ITGAM: variants seen among roughly 807,000 people sequenced by gnomAD.
The protein encoded by ITGAM is integrin subunit alpha M.
A neutral mutation model predicts 137.5 loss-of-function variants in ITGAM; 79 were observed. The observed-to-expected ratio is 0.57, with a 90% CI of 0.48 to 0.69. The LOEUF is 0.69. Ranked by LOEUF, ITGAM falls within the 30% of genes least tolerant of loss-of-function variation. The pLI, the probability that ITGAM is intolerant of heterozygous loss-of-function variation, is 0.00. For missense variants in ITGAM, 1,343 were observed against 1,483.5 expected (o/e 0.91, Z 1.56); for synonymous variants, 583 against 592.3 (o/e 0.98, Z 0.23).
Position 31,275,557 on chromosome 16 carries a change from T to C in ITGAM, c.867T>C (p.Asp289=). The C allele has an allele frequency of 6.2e-7, 1 of 1,613,976 alleles. No homozygotes were observed. Among genetic ancestry groups the C allele is most frequent in the Non-Finnish European group, 8.5e-7 (1 of 1,179,868 alleles). ...CTGTTCCTTGGTAACAGGTGGGAGA[T>C]GCCTTCCGCAGTGAGAAATCCCGCC... ...GVIRYVIGVG[D]AFRSEKSRQE... The change falls in exon 9 of 30, where the codon GAT becomes GAC. Residue 289 remains aspartate (D), a synonymous_variant. Coordinates refer to ENST00000544665, the MANE Select transcript of ITGAM (RefSeq NM_000632.4).
At chr16:31,288,840 A>C (rs1278529267) in intron 12 of ITGAM, among the ~76,000 whole-genome samples, 1 of 152,182 alleles carries the variant, frequency 6.6e-6, no homozygotes, top group Non-Finnish European at 1.5e-5. Flanking sequence ...AATGGGAGAA[A>C]ATTTTTGCAA....
In ITGAM at chr16:31,270,737, ATATAT is replaced by A. The variant is rs1161840503; in HGVS notation, c.428-216_428-212del. On this transcript the variant is annotated intron_variant, in intron 5 of 29. Coordinates refer to ENST00000544665, the MANE Select transcript of ITGAM (RefSeq NM_000632.4). ...TATATATATATATATATATATATAT[ATATAT>A]ATGTTTTTAACGTGTGTATACATAT... 1.6e-3 allele frequency among the ~76,000 whole-genome samples: 175 copies of A among 112,030 alleles called. 4 individuals are homozygous for A. The highest frequency in any genetic ancestry group is 6.7e-3 in the African/African-American group (170 of 25,500). The allele number at this position is 112,030 out of a possible 152,430, so 73.5% of individuals were successfully genotyped here.
intron 2 of ITGAM, among the ~76,000 whole-genome samples, chr16:31,264,749 C>T (rs188484580): frequency 2.2e-3 from 334 of 152,264 alleles, no homozygotes; most frequent in African/African-American, 7.5e-3. Flanking sequence ...CTATGTTACC[C>T]GGGCTAGTTT....
At chr16:31,321,217 T>C in intron 14 of ITGAM, 24 bp from the exon 15 acceptor site, 3 of 1,613,360 alleles carry the variant, frequency 1.9e-6, no homozygotes, top group Non-Finnish European at 2.5e-6. Context: ...CCTTTCTCTC[T>C]CCACACCTCT....
intron 14 of ITGAM, among the ~76,000 whole-genome samples, chr16:31,315,112 C>T (rs1037394393): frequency 3.3e-5 from 5 of 151,948 alleles, no homozygotes; most frequent in Admixed American, 1.3e-4. Flanking sequence ...CGAACCCGGC[C>T]CTCTTTGCCC....
In ITGAM at chr16:31,308,454, C is replaced by G. The variant is rs554560770; in HGVS notation, c.1707+10500C>G. Among the ~76,000 whole-genome samples the G allele has an allele frequency of 4.0e-4, 61 of 151,968 alleles. No homozygotes were observed. The South Asian group carries it at 0.012, about 30-fold the overall frequency. On this transcript the variant is annotated intron_variant, in intron 14 of 29. Coordinates refer to ENST00000544665, the MANE Select transcript of ITGAM (RefSeq NM_000632.4). ...ATTTGCGTAGAGGTGTTTGTAGTAT[C>G]CTCTGATGGTAGTTTGTATTTCTGT...
Position 31,331,250 on chromosome 16 carries a change from C to A in ITGAM, c.3362C>A (p.Ala1121Asp), listed in dbSNP as rs1001138755. 1.2e-6 allele frequency: 2 copies of A among 1,611,404 alleles called. No individual in the cohort carries two copies. Among genetic ancestry groups the A allele is most frequent in the Non-Finnish European group, 1.7e-6 (2 of 1,178,392 alleles). Residue 1121 changes from alanine (A) to aspartate (D), a missense_variant, in exon 29 of 30, where the codon GCC (alanine) becomes GAC (aspartate). Physicochemically the swap from Ala to Asp is moderately radical, Grantham distance 126 (BLOSUM62 -2). Coordinates refer to ENST00000544665, the MANE Select transcript of ITGAM (RefSeq NM_000632.4). ...TCTGTCGGGGGACTGCTGCTCCTGGCCCTCATCACCGCCGCGCTGTACAAG... is the reference window on the plus strand; with the variant it reads ...TCTGTCGGGGGACTGCTGCTCCTGGACCTCATCACCGCCGCGCTGTACAAG... ...GSSVGGLLLL[A>D]LITAALYKLG...
intron 23 of ITGAM, among the ~76,000 whole-genome samples, chr16:31,328,792 ATG>A (rs56016186): frequency 0.71 from 101,258 of 143,134 alleles, 35,779 homozygotes; most frequent in Middle Eastern, 0.87. Context: ...GTATTTGTGC[ATG>A]TGTGTGTGTG....
intron 14 of ITGAM, among the ~76,000 whole-genome samples, chr16:31,303,868 G>A (rs1050452405): frequency 2.0e-5 from 3 of 151,956 alleles, no homozygotes; most frequent in African/African-American, 7.2e-5. Context: ...ATTGGTCGAC[G>A]GGTACCACAG....
chr16:31,328,617 GTGTC>G (rs1433777552), intron 23 of ITGAM, among the ~76,000 whole-genome samples: 4 of 150,920 alleles, frequency 2.7e-5, no homozygotes, highest in Non-Finnish European at 4.4e-5. Flanking sequence ...ATGTGCATGT[GTGTC>G]TGGGCATGGG....
intron 14 of ITGAM, among the ~76,000 whole-genome samples, chr16:31,302,475 CTTTCTTTCTT>C (rs2080215159): frequency 4.7e-5 from 4 of 85,834 alleles, no homozygotes; most frequent in African/African-American, 3.0e-4. Context: ...TTCTTTCTTT[CTTTCTTTCTT>C]TTTTCTTTCC....
chr16:31,261,198 C>CA (rs2079695113), intron 1 of ITGAM, among the ~76,000 whole-genome samples: 4 of 123,236 alleles, frequency 3.2e-5, no homozygotes, highest in Non-Finnish European at 7.0e-5. Flanking sequence ...ATGCTGCTAT[C>CA]TTTTTTTTTT....
intron 14 of ITGAM, among the ~76,000 whole-genome samples, chr16:31,320,020 G>A (rs1315028315): frequency 6.6e-6 from 1 of 152,060 alleles, no homozygotes; most frequent in Non-Finnish European, 1.5e-5. Context: ...CACCACGTTA[G>A]CCAGGATGGT....
chr16:31,274,929 A>T (rs1442195233), intron 8 of ITGAM, among the ~76,000 whole-genome samples: 1 of 152,130 alleles, frequency 6.6e-6, no homozygotes, highest in Non-Finnish European at 1.5e-5. Context: ...TATTTAAAAA[A>T]TTTGTTTAAA....
In ITGAM at chr16:31,273,351, T is replaced by C. The variant is rs760602626; in HGVS notation, c.705-14T>C. The C allele has an allele frequency of 1.2e-6, 2 of 1,605,172 alleles. No homozygotes were observed. Among genetic ancestry groups the C allele is most frequent in the South Asian group, 2.2e-5 (2 of 89,600 alleles). On this transcript the variant is annotated splice_polypyrimidine_tract_variant and intron_variant, in intron 7 of 29. Coordinates refer to ENST00000544665, the MANE Select transcript of ITGAM (RefSeq NM_000632.4). The stretch of plus-strand genomic sequence containing the variant: ...TACTTGCATTTGACTTTGTCCCTCC[T>C]GTTTCCTGCACAGACGAGAGCTGTT...
chr16:31,319,239 G>GC (rs2080423071), intron 14 of ITGAM, among the ~76,000 whole-genome samples: 1 of 147,458 alleles, frequency 6.8e-6, no homozygotes, highest in African/African-American at 2.5e-5. Context: ...TCTCCCTTGG[G>GC]TTTTTTTTTT....
chr16:31,303,811 A>G (rs960378211), intron 14 of ITGAM, among the ~76,000 whole-genome samples: 4 of 152,168 alleles, frequency 2.6e-5, no homozygotes, highest in South Asian at 2.1e-4. Flanking sequence ...CTGTGTATAT[A>G]TACACATATA....
intron 12 of ITGAM, among the ~76,000 whole-genome samples, chr16:31,295,080 A>G (rs925219606): frequency 9.9e-5 from 15 of 151,960 alleles, no homozygotes; most frequent in Admixed American, 4.6e-4. Context: ...CCATTGGTTG[A>G]TGTGTCTGTT....
chr16:31,324,390 TC>T lies in ITGAM; in HGVS notation c.2003-6del, dbSNP rs759581804. The T allele has an allele frequency of 6.4e-7, 1 of 1,551,420 alleles. No individual in the cohort carries two copies. The highest frequency in any genetic ancestry group is 1.2e-5 in the South Asian group (1 of 84,050). ...GGCCCCTCACTGCTGTGCCACCCTG[TC>T]CCTTCAGGACAGATCCAGAGTGTTG... On this transcript the variant is annotated splice_polypyrimidine_tract_variant and splice_region_variant and intron_variant, in intron 16 of 29. Transcript: ENST00000544665. This position sits in a 1 kb window ranked among gnomAD's most constrained non-coding sequence, Gnocchi z 4.5.
Sources: gnomAD v4.1 joint callset for allele counts (sites outside exome capture counted in the v4.1 genomes callset) on GRCh38, gnomAD v4.1.1 for gene constraint, Gnocchi (gnomAD v3.1) non-coding constraint, MANE v1.5 for transcripts, NCBI Gene and HGNC (gene_info 2026-07-23, HGNC 2026-07-21) for gene names.